The following FAM13A variants were observed in gnomAD, a reference collection of about 807,000 sequenced individuals.
FAM13A encodes family with sequence similarity 13 member A.
A neutral mutation model predicts 129.6 loss-of-function variants in FAM13A; 76 were observed. The observed-to-expected ratio is 0.59, with a 90% CI of 0.49 to 0.71. FAM13A has a LOEUF of 0.71. Among genes scored for constraint, FAM13A ranks in the 30% least tolerant of loss-of-function variants. FAM13A has a pLI of 0.00. For missense variants in FAM13A, 1,108 were observed against 1,249.3 expected (o/e 0.89, Z 1.70); for synonymous variants, 443 against 449.9 (o/e 0.98, Z 0.20).
intron 4 of FAM13A, among the ~76,000 whole-genome samples, chr4:88,971,666 C>T (rs1240313518): frequency 6.6e-6 from 1 of 152,072 alleles, no homozygotes; most frequent in Non-Finnish European, 1.5e-5. Context: ...ACCACCACAC[C>T]CAGCTTTGTT....
intron 3 of FAM13A, among the ~76,000 whole-genome samples, chr4:89,005,279 G>A (rs1305374773): frequency 1.3e-5 from 2 of 152,122 alleles, no homozygotes; most frequent in African/African-American, 4.8e-5. Context: ...ATATTCCATG[G>A]TGTATATGTA....
chr4:88,893,642 G>GAATAAATAAATAAATA (rs55794702), intron 6 of FAM13A, among the ~76,000 whole-genome samples: 43 of 126,234 alleles, frequency 3.4e-4, no homozygotes, highest in African/African-American at 5.2e-4. Context: ...ATGAATGAAT[G>GAATAAATAAATAAATA]AATAAATAAA....
intron 5 of FAM13A, among the ~76,000 whole-genome samples, chr4:88,917,790 G>A (rs139164074): frequency 6.6e-6 from 1 of 152,286 alleles, no homozygotes; most frequent in East Asian, 1.9e-4. Context: ...TTTGGAGGAA[G>A]ATGTATTTTT....
At chr4:88,962,769 A>G (rs530448730) in intron 4 of FAM13A, among the ~76,000 whole-genome samples, 4 of 152,242 alleles carry the variant, frequency 2.6e-5, no homozygotes, top group Non-Finnish European at 5.9e-5. Context: ...ATGTGAGTGC[A>G]TAATAGTCCC....
At chr4:88,777,186 T>C (rs1026857838) in intron 11 of FAM13A, among the ~76,000 whole-genome samples, 1 of 152,168 alleles carries the variant, frequency 6.6e-6, no homozygotes, top group Admixed American at 6.6e-5. Context: ...TGTGTAAGTA[T>C]GTTTTTATGC....
At chr4:88,872,240 C>T (rs185873732) in intron 6 of FAM13A, among the ~76,000 whole-genome samples, 82 of 152,232 alleles carry the variant, frequency 5.4e-4, no homozygotes, top group African/African-American at 1.8e-3. Context: ...CATCAACCAA[C>T]GGGCAAAATA....
chr4:89,025,099 G>C (rs555205287), intron 2 of FAM13A, among the ~76,000 whole-genome samples: 1 of 152,228 alleles, frequency 6.6e-6, no homozygotes, highest in Admixed American at 6.5e-5. Context: ...GATGGTGTGA[G>C]TGTAAATTGT....
chr4:88,944,223 G>A (rs1438282679), intron 4 of FAM13A, among the ~76,000 whole-genome samples: 1 of 152,146 alleles, frequency 6.6e-6, no homozygotes, highest in Non-Finnish European at 1.5e-5. Context: ...ATGATGGCAT[G>A]CGCCTATGGT....
chr4:88,923,208 GCAT>G (rs1469164662), intron 5 of FAM13A, among the ~76,000 whole-genome samples: 3 of 152,152 alleles, frequency 2.0e-5, no homozygotes, highest in African/African-American at 7.2e-5. Context: ...TATGAGGCCA[GCAT>G]CATCCTGATA....
chr4:88,784,182 G>T (rs760041359), intron 10 of FAM13A, among the ~76,000 whole-genome samples: 1 of 152,062 alleles, frequency 6.6e-6, no homozygotes, highest in Non-Finnish European at 1.5e-5. Context: ...TTGCTTTTAC[G>T]TGCATCCACG....
chr4:88,764,112 G>T (rs1264499312), intron 13 of FAM13A, among the ~76,000 whole-genome samples: 1 of 152,096 alleles, frequency 6.6e-6, no homozygotes. Context: ...TCTCAGTCTT[G>T]ATTGAAAAGC....
chr4:88,774,562 A>G (rs1721311465), intron 11 of FAM13A, among the ~76,000 whole-genome samples: 1 of 152,092 alleles, frequency 6.6e-6, no homozygotes. Context: ...ACTGAAAACA[A>G]TGTTTCAGTT....
intron 3 of FAM13A, among the ~76,000 whole-genome samples, chr4:89,011,190 A>C (rs75983318): frequency 0.018 from 2,735 of 151,476 alleles, 84 homozygotes; most frequent in African/African-American, 0.063. Context: ...TGTTCTCTTC[A>C]TGTTTTCTGT....
chr4:88,973,114 T>A (rs1187726152), intron 4 of FAM13A, among the ~76,000 whole-genome samples: 1 of 150,110 alleles, frequency 6.7e-6, no homozygotes, highest in Admixed American at 6.7e-5. Context: ...CAGTTTGAAA[T>A]GACAAGCCTA....
At chr4:89,047,764 A>G (rs914565085) in intron 1 of FAM13A, among the ~76,000 whole-genome samples, 1 of 152,214 alleles carries the variant, frequency 6.6e-6, no homozygotes, top group African/African-American at 2.4e-5. Context: ...CATGTATCTA[A>G]TAAAGGACTT....
At chr4:88,733,140 T>C (rs1037323727) in intron 21 of FAM13A, among the ~76,000 whole-genome samples, 4 of 152,202 alleles carry the variant, frequency 2.6e-5, no homozygotes, top group African/African-American at 7.2e-5. Context: ...TCCATGCCAG[T>C]GCAGCAAAAA....
At chr4:88,818,328 C>T (rs13131633) in intron 7 of FAM13A, among the ~76,000 whole-genome samples, 76,814 of 151,752 alleles carry the variant, frequency 0.51, 19,691 homozygotes, top group East Asian at 0.65. Context: ...ACTCCAAAAT[C>T]TCCCTCATAA....
At chr4:88,794,169 C>T (rs951531907) in intron 8 of FAM13A, among the ~76,000 whole-genome samples, 5 of 151,806 alleles carry the variant, frequency 3.3e-5, no homozygotes, top group Non-Finnish European at 5.9e-5. Context: ...GATATGGAAG[C>T]GTTCATTTCC....
intron 6 of FAM13A, among the ~76,000 whole-genome samples, chr4:88,898,348 A>C (rs1746697977): frequency 6.6e-6 from 1 of 152,164 alleles, no homozygotes; most frequent in Admixed American, 6.6e-5. Context: ...CAGTAAACCA[A>C]ATTTCTACTA....
Sources: allele counts gnomAD v4.1 joint callset (sites outside exome capture counted in the v4.1 genomes callset), GRCh38; gene constraint gnomAD v4.1.1; transcripts MANE v1.5; gene names NCBI Gene and HGNC (gene_info 2026-07-23, HGNC 2026-07-21).